NOSTRIN: variants seen among roughly 807,000 people sequenced by gnomAD.
The protein encoded by NOSTRIN is BM247 homolog.
Under a neutral mutation model 59.0 loss-of-function variants are expected in NOSTRIN, and 63 were observed. The observed-to-expected ratio is 1.07, with a 90% CI of 0.87 to 1.32. The LOEUF (loss-of-function observed/expected upper bound fraction) is 1.32. NOSTRIN is among the 40% of genes most tolerant of loss of function. NOSTRIN has a pLI of 0.00. For missense variants in NOSTRIN, 512 were observed against 473.1 expected, an observed-to-expected ratio of 1.08 and a Z score of -0.76; for synonymous variants, 200 against 165.4, an observed-to-expected ratio of 1.21 and a Z score of -1.61.
intron 8 of NOSTRIN, among the ~76,000 whole-genome samples, chr2:168,846,867 G>T (rs2105736192): frequency 6.6e-6 from 1 of 152,324 alleles, no homozygotes; most frequent in African/African-American, 2.4e-5. Context: ...TCCCACTCTA[G>T]ATGAGACGAA....
intron 8 of NOSTRIN, among the ~76,000 whole-genome samples, chr2:168,844,919 T>C (rs1450421358): frequency 1.3e-5 from 2 of 151,254 alleles, no homozygotes; most frequent in South Asian, 2.1e-4. Context: ...ATTATGCTCC[T>C]GCCCCATTGA....
At chr2:168,806,009 ACTATGCT>A (rs1685833009) in intron 1 of NOSTRIN, among the ~76,000 whole-genome samples, 1 of 152,134 alleles carries the variant, frequency 6.6e-6, no homozygotes, top group Non-Finnish European at 1.5e-5. Flanking sequence ...GATGGAGTAG[ACTATGCT>A]CTTTAATGTT....
intron 10 of NOSTRIN, among the ~76,000 whole-genome samples, chr2:168,852,216 T>G (rs1049266678): frequency 6.6e-6 from 1 of 152,184 alleles, no homozygotes; most frequent in African/African-American, 2.4e-5. Context: ...AGGCATGGGT[T>G]CTAGGAAGTG....
intron 2 of NOSTRIN, among the ~76,000 whole-genome samples, chr2:168,789,388 C>T (rs1286764175): frequency 2.0e-5 from 3 of 152,198 alleles, no homozygotes; most frequent in Non-Finnish European, 4.4e-5. Context: ...GCATATCTTA[C>T]GTGGCTGCAG....
intron 10 of NOSTRIN, among the ~76,000 whole-genome samples, chr2:168,854,365 C>G (rs796627574): frequency 6.6e-6 from 1 of 152,124 alleles, no homozygotes; most frequent in South Asian, 2.1e-4. Context: ...CTGCATCCTC[C>G]CCTCCCACCT....
chr2:168,805,639 C>G (rs1685809786), intron 1 of NOSTRIN, among the ~76,000 whole-genome samples: 1 of 152,180 alleles, frequency 6.6e-6, no homozygotes, highest in South Asian at 2.1e-4. Flanking sequence ...AGGGGTCTGT[C>G]AAAGCAAGTC....
At chr2:168,856,136 A>G (rs764838224) in intron 11 of NOSTRIN, 1 of 221,084 alleles carries the variant, frequency 4.5e-6, no homozygotes, top group Non-Finnish European at 9.1e-6. Flanking sequence ...GAATTTCAAA[A>G]TCTCATCTGG....
chr2:168,859,703 G>A (rs1559143395), intron 13 of NOSTRIN, 66 bp downstream of exon 13: 2 of 1,559,092 alleles, frequency 1.3e-6, no homozygotes, highest in Non-Finnish European at 8.7e-7. Context: ...GCTTAAAGTA[G>A]CATCAGGGCA....
intron 10 of NOSTRIN, among the ~76,000 whole-genome samples, chr2:168,853,841 A>G (rs893543872): frequency 1.2e-4 from 18 of 152,190 alleles, no homozygotes; most frequent in African/African-American, 3.9e-4. Context: ...ATTGAGTTGT[A>G]GGAGTTGCAT....
chr2:168,795,125 C>G (rs1454053135), upstream of NOSTRIN, among the ~76,000 whole-genome samples: 2 of 152,058 alleles, frequency 1.3e-5, no homozygotes, highest in African/African-American at 4.8e-5. Flanking sequence ...AACTATAAAT[C>G]CATTACTTAT....
At chr2:168,811,893 C>T in intron 2 of NOSTRIN, 1 of 331,820 alleles carries the variant, frequency 3.0e-6, no homozygotes, top group Non-Finnish European at 5.4e-6. Context: ...TCTTCTGATT[C>T]CTCAGACTGG....
chr2:168,861,774 T>C (rs1342932052), intron 14 of NOSTRIN, among the ~76,000 whole-genome samples, 186 bp from the exon 15 acceptor site: 5 of 152,244 alleles, frequency 3.3e-5, no homozygotes, highest in African/African-American at 1.2e-4. Flanking sequence ...TCCATACATA[T>C]AGAAAGTGCA....
intron 11 of NOSTRIN, chr2:168,856,329 C>A: frequency 3.6e-6 from 1 of 275,906 alleles, no homozygotes; most frequent in Non-Finnish European, 7.0e-6. Context: ...ATAATCCTAA[C>A]ACTTTGGGAA....
At chr2:168,839,542 A>G (rs1172053767) in intron 7 of NOSTRIN, among the ~76,000 whole-genome samples, 1 of 152,298 alleles carries the variant, frequency 6.6e-6, no homozygotes, top group East Asian at 1.9e-4. Flanking sequence ...CCAAGAGCAA[A>G]AAAAGGGACG....
In NOSTRIN at chr2:168,862,093, G is replaced by C. The variant is rs368306515; in HGVS notation, c.1384+44G>C. On this transcript the variant is annotated intron_variant, in intron 15 of 15. Transcript: ENST00000317647. ...TATTTTAATTGCCTTCCCATATTGAGATTCTTAGCATGAATAAAACCCTGT... is the reference window on the plus strand; with the variant it reads ...TATTTTAATTGCCTTCCCATATTGACATTCTTAGCATGAATAAAACCCTGT... 169 of 1,545,944 alleles carry C rather than the reference G, an allele frequency of 1.1e-4. 1 individual carries two copies. Among genetic ancestry groups the C allele is most frequent in the Non-Finnish European group, 1.4e-4 (157 of 1,118,328 alleles).
intron 7 of NOSTRIN, among the ~76,000 whole-genome samples, chr2:168,842,237 G>A (rs1688149321): frequency 6.6e-6 from 1 of 152,198 alleles, no homozygotes; most frequent in Admixed American, 6.5e-5. Context: ...GGGAGTGAGA[G>A]ACAGGAGGGC....
intron 5 of NOSTRIN, among the ~76,000 whole-genome samples, chr2:168,829,328 C>G (rs1346973499): frequency 2.2e-5 from 3 of 135,174 alleles, no homozygotes; most frequent in Non-Finnish European, 4.7e-5. Context: ...CTCTCCCTTT[C>G]TTTCTTTTTT....
chr2:168,850,748 ACTGAAATTCT>A, intron 8 of NOSTRIN: 1 of 690,584 alleles, frequency 1.4e-6, no homozygotes, highest in Non-Finnish European at 2.5e-6. Flanking sequence ...CCCCATCTCT[ACTGAAATTCT>A]CTGGAATTCT....
At chr2:168,789,144 G>T (rs539449445) in intron 2 of NOSTRIN, among the ~76,000 whole-genome samples, 2 of 152,264 alleles carry the variant, frequency 1.3e-5, no homozygotes, top group Non-Finnish European at 2.9e-5. Context: ...ATCTTTTTGG[G>T]CCAGAAAGCA....
Sources: allele counts gnomAD v4.1 joint callset (sites outside exome capture counted in the v4.1 genomes callset), GRCh38; gene constraint gnomAD v4.1.1; transcripts MANE v1.5; gene names NCBI Gene and HGNC (gene_info 2026-07-23, HGNC 2026-07-21).